The following UQCC2 variants were observed in gnomAD, a reference collection of about 807,000 sequenced individuals.
UQCC2 encodes the protein ubiquinol-cytochrome c reductase complex assembly factor 2, also known as breast cancer-associated protein SGA-81M.
Under a neutral mutation model 19.9 loss-of-function variants are expected in UQCC2, and 21 were observed. The ratio of observed to expected loss-of-function variants is 1.05; its 90% confidence interval spans 0.75 to 1.52. The LOEUF (loss-of-function observed/expected upper bound fraction) is 1.52, where lower values mean the gene tolerates loss of function less well. UQCC2 is among the 40% of genes most tolerant of loss of function. UQCC2 has a pLI of 0.00. For missense variants in UQCC2, 135 were observed against 157.5 expected (o/e 0.86, Z 0.76); for synonymous variants, 57 against 60.9 (o/e 0.94, Z 0.30).
chr6:33,706,719 G>A (rs1765703120), intron 1 of UQCC2, among the ~76,000 whole-genome samples: 2 of 152,224 alleles, frequency 1.3e-5, no homozygotes. Flanking sequence ...TAGGCAGACA[G>A]GGCTTTTAAG....
intron 1 of UQCC2, among the ~76,000 whole-genome samples, chr6:33,704,891 C>T (rs1255911098): frequency 1.3e-5 from 2 of 152,146 alleles, no homozygotes; most frequent in South Asian, 2.1e-4. Flanking sequence ...TTCCTTGCCA[C>T]GTAGTCCCAT....
chr6:33,698,158 G>A, intron 3 of UQCC2: 2 of 171,956 alleles, frequency 1.2e-5, no homozygotes, highest in South Asian at 1.5e-4. Flanking sequence ...GTTTTCAGGT[G>A]TGGAAACTGA....
At chr6:33,707,485 G>A (rs1765713915) in intron 1 of UQCC2, among the ~76,000 whole-genome samples, 1 of 152,244 alleles carries the variant, frequency 6.6e-6, no homozygotes, top group African/African-American at 2.4e-5. Context: ...ATTCTCCTCT[G>A]AGAAGGTGGA....
intron 1 of UQCC2, among the ~76,000 whole-genome samples, chr6:33,709,693 A>T (rs938869931): frequency 6.6e-6 from 1 of 152,056 alleles, no homozygotes; most frequent in African/African-American, 2.4e-5. Flanking sequence ...TCAGCAGTAC[A>T]GTCACAATGA....
chr6:33,697,913 A>G, intron 3 of UQCC2, 163 bp from the exon 4 acceptor site: 1 of 614,650 alleles, frequency 1.6e-6, no homozygotes, highest in Non-Finnish European at 2.9e-6. Context: ...TCAAACAGGT[A>G]ACAGAAGTGA....
At chr6:33,699,751 T>C (rs1178884517) in intron 3 of UQCC2, among the ~76,000 whole-genome samples, 1 of 152,182 alleles carries the variant, frequency 6.6e-6, no homozygotes, top group Non-Finnish European at 1.5e-5. Flanking sequence ...GAAAGACACA[T>C]TTCTAGAATA....
intron 1 of UQCC2, among the ~76,000 whole-genome samples, chr6:33,709,193 GGTGAAGGCCAGGTTATGGCCTTCCT>G (rs1765735886): frequency 6.6e-6 from 1 of 152,180 alleles, no homozygotes; most frequent in Non-Finnish European, 1.5e-5. Context: ...GCTCCTCAGT[GGTGAAGGCCAGGTTATGGCCTTCCT>G]CCATAGATCC....
At position 33,697,072 on chromosome 6, in the gene UQCC2, A is replaced by G. The variant is rs1284231136; in HGVS notation, c.*581T>C. Reference sequence around the variant, plus strand: ...GGCCCCGCTTGGCCAAGGCCTGTCTATAGCTTCCCTGTCCCTTAAGCCAAC... The same window carrying G: ...GGCCCCGCTTGGCCAAGGCCTGTCTGTAGCTTCCCTGTCCCTTAAGCCAAC... On this transcript the variant is annotated 3_prime_UTR_variant, in exon 4 of 4. Coordinates refer to ENST00000607484, the MANE Select transcript of UQCC2 (RefSeq NM_032340.4). 8 of 152,430 alleles carry G rather than the reference A, an allele frequency of 5.2e-5. No homozygotes were observed. Among genetic ancestry groups the G allele is most frequent in the Admixed American group, 5.2e-4 (8 of 15,298 alleles). The allele number at this position is 152,430 out of a possible 1,614,324, so 9.4% of individuals were successfully genotyped here. A position where few individuals can be genotyped will look rare whatever the true frequency, so the allele number is the denominator to read the frequency against.
intron 1 of UQCC2, among the ~76,000 whole-genome samples, chr6:33,706,418 G>A (rs1327431609): frequency 1.3e-5 from 2 of 152,192 alleles, no homozygotes; most frequent in Non-Finnish European, 2.9e-5. Context: ...GCCAGCTGTG[G>A]AGAAGCTGGC....
At chr6:33,704,397 T>C (rs1185419961) in intron 1 of UQCC2, among the ~76,000 whole-genome samples, 1 of 152,106 alleles carries the variant, frequency 6.6e-6, no homozygotes, top group Non-Finnish European at 1.5e-5. Context: ...AGGGAATGGG[T>C]CAGCATGTTA....
In UQCC2 at chr6:33,701,412, C is replaced by T; in HGVS notation, c.147G>A (p.Glu49=). The part of the protein sequence containing the change: ...FREGENTQVA[E]PEACDQMYES... ...CGTACATCTGATCACAGGCCTCAGGCTCTGCAACCTGAAAAGCAAAGAATC... is the reference window on the plus strand; with the variant it reads ...CGTACATCTGATCACAGGCCTCAGGTTCTGCAACCTGAAAAGCAAAGAATC... The change falls in exon 2 of 4, where the codon GAG becomes GAA. Residue 49 remains glutamate, a synonymous_variant. Transcript: ENST00000607484. 1 of 1,613,496 alleles carries T rather than the reference C, an allele frequency of 6.2e-7. No individual in the cohort carries two copies. Among genetic ancestry groups the T allele is most frequent in the Non-Finnish European group, 8.5e-7 (1 of 1,179,754 alleles).
chr6:33,699,622 A>T (rs1765614961), intron 3 of UQCC2, among the ~76,000 whole-genome samples: 2 of 152,244 alleles, frequency 1.3e-5, no homozygotes, highest in South Asian at 4.1e-4. Flanking sequence ...TGGAATAAAA[A>T]TAGGGTTAGA....
chr6:33,700,280 G>GT (rs1247646337), intron 3 of UQCC2, among the ~76,000 whole-genome samples, 164 bp downstream of exon 3: 1 of 152,162 alleles, frequency 6.6e-6, no homozygotes, highest in Non-Finnish European at 1.5e-5. Flanking sequence ...CTTCTCCACA[G>GT]TATATGGTCA....
chr6:33,706,749 C>A (rs1206236522), intron 1 of UQCC2, among the ~76,000 whole-genome samples: 1 of 152,200 alleles, frequency 6.6e-6, no homozygotes, highest in Non-Finnish European at 1.5e-5. Flanking sequence ...GGGAGGGCTC[C>A]AAGAGCCTGG....
intron 1 of UQCC2, 113 bp downstream of exon 1, chr6:33,711,436 C>T: frequency 2.8e-6 from 4 of 1,425,496 alleles, no homozygotes; most frequent in Non-Finnish European, 2.8e-6. Context: ...CGCTCACGTG[C>T]TGCCTGGAAA....
chr6:33,711,362 G>T (rs992009452), intron 1 of UQCC2, among the ~76,000 whole-genome samples, 187 bp downstream of exon 1: 3 of 152,220 alleles, frequency 2.0e-5, no homozygotes, highest in Admixed American at 1.3e-4. Context: ...GGTGCAGCCG[G>T]GGGAGAGCGC....
At chr6:33,702,406 G>A (rs1287542441) in intron 1 of UQCC2, among the ~76,000 whole-genome samples, 2 of 152,112 alleles carry the variant, frequency 1.3e-5, no homozygotes, top group East Asian at 1.9e-4. Flanking sequence ...CTACAAGAAG[G>A]AAAGAAACAT....
At chr6:33,707,921 G>A (rs574755785) in intron 1 of UQCC2, among the ~76,000 whole-genome samples, 3 of 152,366 alleles carry the variant, frequency 2.0e-5, no homozygotes, top group African/African-American at 7.2e-5. Flanking sequence ...GGAGTTACAT[G>A]TGTTCCCGCT....
intron 1 of UQCC2, among the ~76,000 whole-genome samples, chr6:33,702,649 T>C (rs775777987): frequency 1.3e-5 from 2 of 152,214 alleles, no homozygotes; most frequent in Admixed American, 6.5e-5. Context: ...CTTCTAACTT[T>C]CCCTTTACTC....
Sources: allele counts gnomAD v4.1 joint callset (sites outside exome capture counted in the v4.1 genomes callset), GRCh38; gene constraint gnomAD v4.1.1; transcripts MANE v1.5; gene names NCBI Gene and HGNC (gene_info 2026-07-23, HGNC 2026-07-21).